The following CRYBG2 variants were observed in gnomAD, a reference collection of about 807,000 sequenced individuals.
The protein encoded by CRYBG2 is beta/gamma crystallin domain-containing protein 2.
A neutral mutation model predicts 153.4 loss-of-function variants in CRYBG2; 106 were observed. The ratio of observed to expected loss-of-function variants is 0.69; its 90% CI spans 0.59 to 0.81. CRYBG2 has a LOEUF of 0.81. Among genes scored for constraint, CRYBG2 ranks in the 30% least tolerant of loss-of-function variants. The probability of loss-of-function intolerance (pLI) is 0.00; values close to 1 mark genes in which losing one functional copy is unlikely to be tolerated. For synonymous variants in CRYBG2, 851 were observed against 877.8 expected, an observed-to-expected ratio of 0.97 and a Z score of 0.54; for missense variants, 1,996 against 2,112.0, an observed-to-expected ratio of 0.95 and a Z score of 1.08.
chr1:26,341,055 C>T (rs766625058), intron 5 of CRYBG2, among the ~76,000 whole-genome samples: 2 of 152,032 alleles, frequency 1.3e-5, no homozygotes, highest in African/African-American at 2.4e-5. Context: ...AAACGAAAAT[C>T]AGGCCGGGCG....
At chr1:26,323,247 G>GT (rs1263762037) in intron 18 of CRYBG2, among the ~76,000 whole-genome samples, 8 of 151,706 alleles carry the variant, frequency 5.3e-5, no homozygotes, top group Non-Finnish European at 1.2e-4. Context: ...CATCCGGCTA[G>GT]TTTTTTTATT....
At chr1:26,324,451 A>C in intron 17 of CRYBG2, 141 bp from the exon 18 acceptor site, 3 of 858,524 alleles carry the variant, frequency 3.5e-6, no homozygotes, top group East Asian at 5.5e-5. Flanking sequence ...TCTATTTCTA[A>C]GTCACTGCTT....
At position 26,346,820 on chromosome 1, in the gene CRYBG2, C is replaced by T. The variant is rs2074229047; in HGVS notation, c.-55-108G>A. ...CAGGCTGGGAACCTCAGGCAAATCG[C>T]TTGGCCTTTTTGGGCCATTGCTTTC... On this transcript the variant is annotated intron_variant, in intron 1 of 19. Coordinates refer to ENST00000308182, the MANE Select transcript of CRYBG2 (RefSeq NM_001039775.4). This position sits in a 1 kb window ranked among gnomAD's most constrained non-coding sequence, Gnocchi z 4.9. The T allele has an allele frequency of 1.4e-6, 1 of 708,884 alleles. No homozygotes were observed. The highest frequency in any genetic ancestry group is 3.1e-5 in the Admixed American group (1 of 32,136). The allele number at this position is 708,884 out of a possible 1,614,324, so 43.9% of individuals were successfully genotyped here. A position where few individuals can be genotyped will look rare whatever the true frequency, so the allele number is the denominator to read the frequency against.
rs182172629 is a variant in CRYBG2 at position 26,326,398 on chromosome 1, C to T, written c.4578+1811G>A. On this transcript the variant is annotated intron_variant, in intron 17 of 19. Coordinates refer to ENST00000308182, the MANE Select transcript of CRYBG2 (RefSeq NM_001039775.4). ...TAAAAATACAAAAAAATTAGCCGGG[C>T]ATGGTGGCGGGTGCCTGTAGTCCCA... Among the ~76,000 whole-genome samples, 303 of 151,882 alleles carry T rather than the reference C, an allele frequency of 2.0e-3. 1 individual carries two copies. The highest frequency in any genetic ancestry group is 0.01 in the Middle Eastern group (3 of 294).
At chr1:26,323,223 G>A (rs1324319976) in intron 18 of CRYBG2, among the ~76,000 whole-genome samples, 1 of 151,908 alleles carries the variant, frequency 6.6e-6, no homozygotes, top group East Asian at 1.9e-4. Context: ...TGGGACTACA[G>A]GTGCATGCCA....
intron 15 of CRYBG2, among the ~76,000 whole-genome samples, chr1:26,331,183 C>T (rs982606354): frequency 2.0e-5 from 3 of 152,232 alleles, no homozygotes; most frequent in Non-Finnish European, 4.4e-5. Flanking sequence ...TCCCACCATC[C>T]CCGCACCACT....
In CRYBG2 at chr1:26,344,470, C is replaced by A; in HGVS notation, c.2188G>T (p.Ala730Ser). 6.5e-7 allele frequency: 1 copy of A among 1,538,088 alleles called. No homozygotes were observed. Reference sequence around the variant, plus strand: ...AGCTGGGACTCCGTGCTGGCCTCTGCTCCTGTTGGCACTGGGGCAGGGGTG... The same window carrying A: ...AGCTGGGACTCCGTGCTGGCCTCTGATCCTGTTGGCACTGGGGCAGGGGTG... Reference protein sequence around the residue: ...GGTPAPVPTGAEASTESQLVS... With the variant: ...GGTPAPVPTGSEASTESQLVS... Residue 730 changes from alanine to serine, a missense_variant, in exon 2 of 20, where the codon GCA becomes TCA. Ala to Ser is a moderately conservative substitution (Grantham distance 99). Transcript: ENST00000308182.
At chr1:26,334,390 C>T (rs1371309552) in intron 14 of CRYBG2, among the ~76,000 whole-genome samples, 1 of 152,040 alleles carries the variant, frequency 6.6e-6, no homozygotes, top group Non-Finnish European at 1.5e-5. Flanking sequence ...CACCACTGCA[C>T]TCCAGCCTGA....
intron 14 of CRYBG2, among the ~76,000 whole-genome samples, chr1:26,332,578 C>T (rs1395293339): frequency 9.2e-5 from 14 of 152,168 alleles, no homozygotes; most frequent in African/African-American, 3.4e-4. Context: ...GCGATCTCAG[C>T]TCACTGTAAC....
rs138162481 is a variant in CRYBG2 at position 26,324,001 on chromosome 1, G to A, written c.4737+151C>T. The A allele has an allele frequency of 1.4e-3, 1,068 of 743,010 alleles. 5 individuals are homozygous for A. Among genetic ancestry groups the A allele is most frequent in the African/African-American group, 0.013 (735 of 57,206 alleles). 46.0% of individuals were successfully genotyped at this position (743,010 alleles called of 1,614,324 possible). A position where few individuals can be genotyped will look rare whatever the true frequency, so the allele number is the denominator to read the frequency against. The stretch of plus-strand genomic sequence containing the variant: ...TGGGGCCCAGAGAAGAGCACGACTT[G>A]CCCAGGGGGAACAGTCTGCACTCTC... On this transcript the variant is annotated intron_variant, in intron 18 of 19. Coordinates refer to ENST00000308182, the MANE Select transcript of CRYBG2 (RefSeq NM_001039775.4).
At chr1:26,335,332 C>G (rs1448979539) in intron 14 of CRYBG2, among the ~76,000 whole-genome samples, 1 of 151,946 alleles carries the variant, frequency 6.6e-6, no homozygotes, top group Non-Finnish European at 1.5e-5. Context: ...CAAAATTAGC[C>G]GGGCTTGGTG....
rs773150434 is a variant in CRYBG2, at chr1:26,321,958, G to C, written c.*10C>G. ...AAAGCCTCCAGGGCTGGAGGGTGAG[G>C]GGAAAAGTTTCAAAGCACGTGGATA... On this transcript the variant is annotated 3_prime_UTR_variant, in exon 20 of 20. Transcript: ENST00000308182. 1.9e-6 allele frequency: 3 copies of C among 1,554,414 alleles called. No individual in the cohort carries two copies. The highest frequency in any genetic ancestry group is 1.4e-5 in the African/African-American group (1 of 73,312).
At position 26,338,413 on chromosome 1, in the gene CRYBG2, G is replaced by A. The variant is rs776059181; in HGVS notation, c.3409C>T (p.Pro1137Ser). The A allele has an allele frequency of 3.1e-6, 5 of 1,613,566 alleles. No homozygotes were observed. In the South Asian group the frequency reaches 5.5e-5, roughly 18 times the overall value. Residue 1137 changes from proline (P) to serine (S), a missense_variant, in exon 7 of 20, where the codon CCC (proline) becomes TCC (serine). By Grantham distance (74) the Pro-to-Ser change is moderately conservative. Transcript: ENST00000308182. The part of the protein sequence containing the change: ...TPYILEPGEY[P>S]TSEAWGTSDP... Reference sequence around the variant, plus strand: ...GATGTGCCCCAGGCCTCTGAGGTGGGGTACTCTCCAGGTTCCAGGATGTAG... The same window carrying A: ...GATGTGCCCCAGGCCTCTGAGGTGGAGTACTCTCCAGGTTCCAGGATGTAG...
chr1:26,323,210 A>G (rs1570161897), intron 18 of CRYBG2, among the ~76,000 whole-genome samples: 1 of 151,672 alleles, frequency 6.6e-6, no homozygotes, highest in Admixed American at 6.6e-5. Context: ...CCTCCTGAGT[A>G]GCTGGGACTA....
chr1:26,349,477 C>T (rs1157362858), intron 1 of CRYBG2, among the ~76,000 whole-genome samples: 2 of 152,190 alleles, frequency 1.3e-5, no homozygotes, highest in Non-Finnish European at 2.9e-5. Context: ...GCATGTCTCA[C>T]CCTCCGTCCT....
At position 26,338,013 on chromosome 1, in the gene CRYBG2, C is replaced by G. The variant is rs2074083177; in HGVS notation, c.3506G>C (p.Arg1169Thr). 1.2e-6 allele frequency: 2 copies of G among 1,612,568 alleles called. No homozygotes were observed. The highest frequency in any genetic ancestry group is 1.7e-6 in the Non-Finnish European group (2 of 1,179,428). ...CPSVEKPGEP[R>T]AVVYEAPGFQ... ...TGGCTCTTAAGCCCAGACTCTTACC[C>G]TGGGCTCCCCTGGCTTCTCCACACT... is the stretch of plus-strand genomic sequence containing the variant. The change falls in exon 8 of 20, where the codon AGG (arginine) becomes ACG (threonine). Residue 1169 changes from arginine to threonine, a missense_variant and splice_region_variant. Coordinates refer to ENST00000308182, the MANE Select transcript of CRYBG2 (RefSeq NM_001039775.4).
Position 26,344,594 on chromosome 1 carries a change from G to T in CRYBG2, c.2064C>A (p.Ser688Arg), listed in dbSNP as rs1429039690. 3 of 1,536,856 alleles carry T rather than the reference G, an allele frequency of 2.0e-6. No homozygotes were observed. The highest frequency in any genetic ancestry group is 2.6e-6 in the Non-Finnish European group (3 of 1,146,852). Residue 688 changes from serine to arginine, a missense_variant, in exon 2 of 20, where the codon AGC (serine) becomes AGA (arginine). Physicochemically the swap from Ser to Arg is moderately radical, Grantham distance 110 (BLOSUM62 -1). Coordinates refer to ENST00000308182, the MANE Select transcript of CRYBG2 (RefSeq NM_001039775.4). ...CTTTCTGGGTGAGAGATGAGATGGGGCTCCCTTCAGAGTCCTGGACCCCCT... is the reference window on the plus strand; with the variant it reads ...CTTTCTGGGTGAGAGATGAGATGGGTCTCCCTTCAGAGTCCTGGACCCCCT... ...QDKGVQDSEG[S>R]PISSLTQKEV...
At chr1:26,349,809 CTTT>C (rs57826673) in intron 1 of CRYBG2, among the ~76,000 whole-genome samples, 786 of 70,692 alleles carry the variant, frequency 0.011, 8 homozygotes, top group African/African-American at 0.043. Context: ...GGACTAGAGG[CTTT>C]TTTTTTTTTT....
chr1:26,331,623 G>T lies in CRYBG2; in HGVS notation c.4185-5C>A. ...GTCTCATCAAACAGGATCCAGCTAG[G>T]GAAGGGGAAGAAATGGAGGGTATCT... On this transcript the variant is annotated splice_polypyrimidine_tract_variant and splice_region_variant and intron_variant, in intron 14 of 19. Coordinates refer to ENST00000308182, the MANE Select transcript of CRYBG2 (RefSeq NM_001039775.4). The T allele has an allele frequency of 6.2e-7, 1 of 1,613,548 alleles. No homozygotes were observed. Among genetic ancestry groups the T allele is most frequent in the Non-Finnish European group, 8.5e-7 (1 of 1,179,976 alleles).
Sources: allele counts gnomAD v4.1 joint callset (sites outside exome capture counted in the v4.1 genomes callset), GRCh38; gene constraint gnomAD v4.1.1; non-coding constraint Gnocchi (gnomAD v3.1); transcripts MANE v1.5; gene names NCBI Gene and HGNC (gene_info 2026-07-23, HGNC 2026-07-21).